Variants in ARHGAP6 observed in about 807,000 individuals in gnomAD.
ARHGAP6 encodes rho GTPase-activating protein 6.
In ARHGAP6, 16 loss-of-function variants were observed where a neutral mutation model predicts 55.7. That is an observed-to-expected ratio of 0.29 (90% CI 0.19 to 0.44). The LOEUF is 0.44. ARHGAP6 is among the 20% of genes least tolerant of loss of function. The pLI is 1.00. For missense variants in ARHGAP6, 698 were observed against 808.9 expected (o/e 0.86, Z 1.66); for synonymous variants, 382 against 360.9 (o/e 1.06, Z -0.66).
intron 1 of ARHGAP6, among the ~76,000 whole-genome samples, chrX:11,643,891 C>T (rs1354511727): frequency 9.0e-6 from 1 of 111,445 alleles, no homozygotes; most frequent in East Asian, 2.8e-4. Context: ...CATGAATTAT[C>T]CCCAACAACA....
At chrX:11,323,925 A>T (rs2048466833) in intron 1 of ARHGAP6, among the ~76,000 whole-genome samples, 1 of 109,306 alleles carries the variant, frequency 9.1e-6, no homozygotes, top group Non-Finnish European at 1.9e-5. Flanking sequence ...GATGAAGCCC[A>T]CAGCAGCAGG....
chrX:11,169,691 G>C lies in ARHGAP6; in HGVS notation c.1630-7C>G. 1 of 1,171,257 alleles carries C rather than the reference G, an allele frequency of 8.5e-7. No individual in the cohort carries two copies. Among genetic ancestry groups the C allele is most frequent in the Non-Finnish European group, 1.1e-6 (1 of 872,548 alleles). ...TCATTTTATTCCCAGTGACCTATAAGAGAACAGAACACAAGGACTGTTGTT... is the reference window on the plus strand; with the variant it reads ...TCATTTTATTCCCAGTGACCTATAACAGAACAGAACACAAGGACTGTTGTT... On this transcript the variant is annotated splice_polypyrimidine_tract_variant and splice_region_variant and intron_variant, in intron 8 of 12. Transcript: ENST00000337414.
intron 1 of ARHGAP6, among the ~76,000 whole-genome samples, chrX:11,378,720 T>C (rs2049229284): frequency 8.9e-6 from 1 of 112,571 alleles, no homozygotes; most frequent in Non-Finnish European, 1.9e-5. Flanking sequence ...CACTAATCAC[T>C]TTGTCTTAGT....
chrX:11,241,042 C>T (rs757783237), intron 2 of ARHGAP6, among the ~76,000 whole-genome samples: 2 of 95,895 alleles, frequency 2.1e-5, no homozygotes, highest in East Asian at 3.2e-4. Context: ...CCAGCCGGAG[C>T]GACAGAGTAG....
At chrX:11,424,495 A>G (rs2049858485) in intron 1 of ARHGAP6, among the ~76,000 whole-genome samples, 1 of 111,915 alleles carries the variant, frequency 8.9e-6, no homozygotes, top group South Asian at 3.7e-4. Context: ...TTCATACTCT[A>G]TCACCTCTTT....
intron 1 of ARHGAP6, among the ~76,000 whole-genome samples, chrX:11,419,011 G>C (rs2049788433): frequency 8.9e-6 from 1 of 112,533 alleles, no homozygotes; most frequent in African/African-American, 3.2e-5. Context: ...CACTGGATTG[G>C]CTGGGCTTGG....
intron 1 of ARHGAP6, among the ~76,000 whole-genome samples, chrX:11,601,013 G>A (rs2051964064): frequency 8.9e-6 from 1 of 112,220 alleles, no homozygotes; most frequent in South Asian, 3.7e-4. Context: ...ACTGTGCAGA[G>A]GCTAGAAAGA....
intron 1 of ARHGAP6, among the ~76,000 whole-genome samples, chrX:11,354,321 C>CTATATATATATATA (rs1295985738): frequency 4.7e-5 from 3 of 64,367 alleles, no homozygotes; most frequent in African/African-American, 1.3e-4. Context: ...CTCTCTCTCT[C>CTATATATATATATA]TCTCTCTATA....
chrX:11,267,720 C>G (rs892790795), intron 1 of ARHGAP6, among the ~76,000 whole-genome samples: 1 of 112,276 alleles, frequency 8.9e-6, no homozygotes, highest in Non-Finnish European at 1.9e-5. Flanking sequence ...GAGACAACAT[C>G]TTGTGAAATT....
At chrX:11,275,752 C>T (rs1237904521) in intron 1 of ARHGAP6, among the ~76,000 whole-genome samples, 1 of 111,603 alleles carries the variant, frequency 9.0e-6, no homozygotes, top group Non-Finnish European at 1.9e-5. Context: ...ACTTCACATC[C>T]CTTAATTTCA....
chrX:11,364,297 C>T (rs1232316272), intron 1 of ARHGAP6, among the ~76,000 whole-genome samples: 1 of 109,304 alleles, frequency 9.1e-6, no homozygotes, highest in Non-Finnish European at 1.9e-5. Flanking sequence ...ACACCACAGC[C>T]CCACAACATG....
intron 1 of ARHGAP6, among the ~76,000 whole-genome samples, chrX:11,551,584 C>T (rs768741030): frequency 2.2e-4 from 25 of 111,528 alleles, no homozygotes; most frequent in Non-Finnish European, 1.9e-4. Context: ...AGTCCTTACC[C>T]CCACTACTTT....
At chrX:11,290,293 A>G (rs947713906) in intron 1 of ARHGAP6, 2 of 263,630 alleles carry the variant, frequency 7.6e-6, no homozygotes, top group Non-Finnish European at 1.5e-5. Flanking sequence ...CATTTTCATT[A>G]ATTCATCAAC....
At chrX:11,271,628 G>T (rs755628603) in intron 1 of ARHGAP6, among the ~76,000 whole-genome samples, 17 of 111,775 alleles carry the variant, frequency 1.5e-4, no homozygotes, top group Admixed American at 1.2e-3. Context: ...AATGTGAGCT[G>T]TGGACAATGA....
intron 1 of ARHGAP6, chrX:11,427,574 C>T (rs769096768): frequency 6.6e-6 from 6 of 913,738 alleles, no homozygotes; most frequent in South Asian, 2.4e-5. Context: ...GGCTTCTCGC[C>T]GCGGTACACC....
At chrX:11,247,413 C>T (rs565446272) in intron 2 of ARHGAP6, among the ~76,000 whole-genome samples, 40 of 112,310 alleles carry the variant, frequency 3.6e-4, no homozygotes, top group Middle Eastern at 4.6e-3. Context: ...CCTACACTAA[C>T]GTGCTATAGT....
intron 1 of ARHGAP6, among the ~76,000 whole-genome samples, chrX:11,639,780 AAAAGAGAGAG>A (rs1371613628): frequency 3.6e-5 from 4 of 110,634 alleles, no homozygotes; most frequent in Non-Finnish European, 3.8e-5. Flanking sequence ...GACATGGAGA[AAAAGAGAGAG>A]AAAGAGAGAG....
chrX:11,449,121 C>T (rs760919361), intron 1 of ARHGAP6, among the ~76,000 whole-genome samples: 2 of 111,585 alleles, frequency 1.8e-5, no homozygotes, highest in Non-Finnish European at 3.8e-5. Context: ...TGAGACACCA[C>T]CTTTGGCCCC....
chrX:11,645,504 G>C (rs959669448), intron 1 of ARHGAP6, among the ~76,000 whole-genome samples: 5 of 111,568 alleles, frequency 4.5e-5, no homozygotes, highest in African/African-American at 1.6e-4. Flanking sequence ...TGCTATCACA[G>C]TTTACATGGA....
Sources: gnomAD v4.1 joint callset for allele counts (sites outside exome capture counted in the v4.1 genomes callset) on GRCh38, gnomAD v4.1.1 for gene constraint, MANE v1.5 for transcripts, NCBI Gene and HGNC (gene_info 2026-07-23, HGNC 2026-07-21) for gene names.